Variants in SND1 observed in about 807,000 individuals in gnomAD.
SND1 encodes staphylococcal nuclease domain-containing protein 1.
In SND1, 38 loss-of-function variants were observed where a neutral mutation model predicts 121.7. The ratio of observed to expected loss-of-function variants is 0.31; its 90% confidence interval spans 0.24 to 0.41. The LOEUF is 0.41. SND1 is among the 10% of genes least tolerant of loss of function. The pLI is 1.00. For synonymous variants in SND1, 401 were observed against 447.4 expected (o/e 0.90, Z 1.31); for missense variants, 868 against 1,184.6 (o/e 0.73, Z 3.92).
chr7:127,896,254 C>G (rs1014649786), intron 13 of SND1, among the ~76,000 whole-genome samples: 1 of 152,110 alleles, frequency 6.6e-6, no homozygotes. Context: ...TCACTCTCCT[C>G]TTGGCTAAGA....
At chr7:127,836,560 T>A (rs1798872306) in intron 11 of SND1, among the ~76,000 whole-genome samples, 1 of 152,174 alleles carries the variant, frequency 6.6e-6, no homozygotes, top group African/African-American at 2.4e-5. Context: ...TTATAAAGGT[T>A]GTTGCAGAGC....
chr7:127,734,526 C>T (rs1307336961), intron 10 of SND1, among the ~76,000 whole-genome samples: 2 of 152,140 alleles, frequency 1.3e-5, no homozygotes, highest in Non-Finnish European at 2.9e-5. Flanking sequence ...GGTTAAAGAA[C>T]GTGCTTGCCT....
At chr7:127,947,021 A>G (rs1396474700) in intron 15 of SND1, among the ~76,000 whole-genome samples, 1 of 152,144 alleles carries the variant, frequency 6.6e-6, no homozygotes, top group East Asian at 1.9e-4. Flanking sequence ...AGGGGTCACC[A>G]TTCTTGTTTC....
intron 16 of SND1, chr7:128,030,416 C>T: frequency 6.2e-7 from 1 of 1,613,834 alleles, no homozygotes; most frequent in Non-Finnish European, 8.5e-7. Flanking sequence ...ACCGGGTGTT[C>T]GAGGGAATAC....
chr7:127,663,142 C>T (rs1166682286), intron 1 of SND1, among the ~76,000 whole-genome samples: 1 of 152,058 alleles, frequency 6.6e-6, no homozygotes, highest in Non-Finnish European at 1.5e-5. Flanking sequence ...CTGCCTCAGC[C>T]TCCAAAAGTG....
intron 1 of SND1, among the ~76,000 whole-genome samples, chr7:127,678,662 C>G (rs1267327319): frequency 1.3e-5 from 2 of 152,210 alleles, no homozygotes. Flanking sequence ...CCAGACCACA[C>G]AGCTTATGTT....
chr7:127,793,394 G>A (rs969193546), intron 10 of SND1, among the ~76,000 whole-genome samples: 1 of 152,132 alleles, frequency 6.6e-6, no homozygotes, highest in African/African-American at 2.4e-5. Flanking sequence ...ATTTGCTATT[G>A]CGAGGATTAG....
At chr7:127,949,536 G>T (rs1329911588) in intron 15 of SND1, among the ~76,000 whole-genome samples, 1 of 152,286 alleles carries the variant, frequency 6.6e-6, no homozygotes, top group Non-Finnish European at 1.5e-5. Flanking sequence ...AACTGTGTGG[G>T]TTTCTTTTGT....
At chr7:127,975,424 CGTGTGTGTGTGTGT>C (rs66757341) in intron 15 of SND1, among the ~76,000 whole-genome samples, 29 of 147,454 alleles carry the variant, frequency 2.0e-4, no homozygotes, top group Middle Eastern at 3.2e-3. Context: ...TGACTCCCCT[CGTGTGTGTGTGTGT>C]GTGTGTGTGT....
intron 10 of SND1, among the ~76,000 whole-genome samples, chr7:127,793,470 T>C (rs1445815985): frequency 6.6e-6 from 1 of 152,218 alleles, no homozygotes; most frequent in Non-Finnish European, 1.5e-5. Flanking sequence ...TGTTTTGTTT[T>C]TTAATGAATT....
chr7:128,036,435 G>A (rs1012267101), intron 16 of SND1, among the ~76,000 whole-genome samples: 1 of 152,222 alleles, frequency 6.6e-6, no homozygotes, highest in Non-Finnish European at 1.5e-5. Context: ...CTGTTTTAGA[G>A]TTACCCACTC....
chr7:127,722,570 G>T (rs1395264252), intron 10 of SND1, among the ~76,000 whole-genome samples: 2 of 152,026 alleles, frequency 1.3e-5, no homozygotes, highest in African/African-American at 2.4e-5. Context: ...CTAAAAAAAG[G>T]TAGATAAGTT....
rs368814190 is a variant in SND1 at position 127,967,248 on chromosome 7, ACT to A, written c.1670-23694_1670-23693del. ...TAGTTCTCCTGGTTTAGGAGCTAGC[ACT>A]CTCTTTCTCAGTAGGATCAGTATTT... is the stretch of plus-strand genomic sequence containing the variant. On this transcript the variant is annotated intron_variant, in intron 15 of 23. Coordinates refer to ENST00000354725, the MANE Select transcript of SND1 (RefSeq NM_014390.4). Among the ~76,000 whole-genome samples, 682 of 152,138 alleles carry A rather than the reference ACT, an allele frequency of 4.5e-3. 7 individuals are homozygous for A. Among genetic ancestry groups the A allele is most frequent in the African/African-American group, 0.015 (640 of 41,496 alleles).
intron 9 of SND1, among the ~76,000 whole-genome samples, chr7:127,716,724 CTA>C (rs1323059373): frequency 6.6e-6 from 1 of 152,096 alleles, no homozygotes; most frequent in Non-Finnish European, 1.5e-5. Context: ...ACTGTCAGTA[CTA>C]TGTTAAATGG....
At chr7:127,877,629 T>A (rs1799715467) in intron 12 of SND1, among the ~76,000 whole-genome samples, 1 of 152,102 alleles carries the variant, frequency 6.6e-6, no homozygotes. Context: ...GGTGAGGTTT[T>A]GCCGTGTTGC....
At chr7:128,030,431 C>T (rs770509103) in intron 16 of SND1, 2 of 1,613,788 alleles carry the variant, frequency 1.2e-6, no homozygotes, top group Non-Finnish European at 8.5e-7. Context: ...GAATACCCTG[C>T]GGGACCTCGG....
intron 11 of SND1, among the ~76,000 whole-genome samples, chr7:127,823,716 C>G (rs534036652): frequency 2.0e-5 from 3 of 151,716 alleles, no homozygotes; most frequent in Non-Finnish European, 4.4e-5. Flanking sequence ...AATGAACGCT[C>G]AATTAATTAA....
chr7:127,677,610 A>G (rs1044167146), intron 1 of SND1, among the ~76,000 whole-genome samples: 3 of 152,226 alleles, frequency 2.0e-5, no homozygotes, highest in Non-Finnish European at 2.9e-5. Flanking sequence ...TGCCAGCCAT[A>G]TGGTCTCTGT....
intron 12 of SND1, among the ~76,000 whole-genome samples, chr7:127,855,328 T>G (rs1799254120): frequency 6.6e-6 from 1 of 152,000 alleles, no homozygotes; most frequent in African/African-American, 2.4e-5. Context: ...CTCAGGCTGG[T>G]CTCGAACTCC....
Sources: allele counts gnomAD v4.1 joint callset (sites outside exome capture counted in the v4.1 genomes callset), GRCh38; gene constraint gnomAD v4.1.1; transcripts MANE v1.5; gene names NCBI Gene and HGNC (gene_info 2026-07-23, HGNC 2026-07-21).